Variants in CDH18 observed in about 807,000 individuals in gnomAD.
CDH18 encodes cadherin-18.
CDH18 carries 31 observed loss-of-function variants against 67.9 expected under a neutral mutation model. The observed-to-expected ratio is 0.46, with a 90% CI of 0.34 to 0.62. The LOEUF (loss-of-function observed/expected upper bound fraction) is 0.62. Ranked by LOEUF, CDH18 falls within the 20% of genes least tolerant of loss-of-function variation. CDH18 has a pLI of 0.01. For synonymous variants in CDH18, 362 were observed against 347.2 expected (o/e 1.04, Z -0.48); for missense variants, 890 against 975.5 (o/e 0.91, Z 1.17).
At chr5:20,175,288 A>T (rs1425228535) in intron 2 of CDH18, among the ~76,000 whole-genome samples, 1 of 152,114 alleles carries the variant, frequency 6.6e-6, no homozygotes, top group Non-Finnish European at 1.5e-5. Context: ...TAAAAACCCC[A>T]TACTCACCAG....
At chr5:20,078,412 G>A (rs1185647996) in intron 2 of CDH18, among the ~76,000 whole-genome samples, 7 of 151,920 alleles carry the variant, frequency 4.6e-5, no homozygotes, top group Non-Finnish European at 7.4e-5. Context: ...GCAGTAAGCC[G>A]AGATCACGCC....
intron 1 of CDH18, among the ~76,000 whole-genome samples, chr5:20,523,330 A>G (rs1454787701): frequency 5.3e-5 from 8 of 152,200 alleles, no homozygotes; most frequent in Admixed American, 5.2e-4. Context: ...CTGAGAAACA[A>G]GCATGCTTTC....
intron 11 of CDH18, among the ~76,000 whole-genome samples, chr5:19,501,374 G>A (rs1274422706): frequency 6.7e-6 from 1 of 148,710 alleles, no homozygotes; most frequent in African/African-American, 2.5e-5. Context: ...AGGCCGAGGC[G>A]GGTAGATCAC....
At chr5:19,606,119 A>G (rs1747995673) in intron 6 of CDH18, among the ~76,000 whole-genome samples, 1 of 151,466 alleles carries the variant, frequency 6.6e-6, no homozygotes, top group Admixed American at 6.6e-5. Flanking sequence ...CAGGAATAAG[A>G]GCTACTTCCC....
chr5:20,519,644 G>A (rs931037410), intron 1 of CDH18, among the ~76,000 whole-genome samples: 5 of 151,716 alleles, frequency 3.3e-5, no homozygotes, highest in African/African-American at 1.2e-4. Flanking sequence ...AATAGAAAAA[G>A]GAGTCAAGAA....
At chr5:19,694,482 A>G (rs1762290404) in intron 5 of CDH18, among the ~76,000 whole-genome samples, 1 of 152,188 alleles carries the variant, frequency 6.6e-6, no homozygotes, top group Non-Finnish European at 1.5e-5. Flanking sequence ...CAATTTGGAC[A>G]TGTCTTAAAT....
chr5:20,520,638 A>C (rs75575576), intron 1 of CDH18, among the ~76,000 whole-genome samples: 7,131 of 152,234 alleles, frequency 0.047, 511 homozygotes, highest in African/African-American at 0.16. Context: ...GTTAAGAATT[A>C]TTCCCAGATT....
intron 2 of CDH18, among the ~76,000 whole-genome samples, chr5:20,077,601 T>A (rs1324828845): frequency 6.6e-6 from 1 of 152,218 alleles, no homozygotes; most frequent in Non-Finnish European, 1.5e-5. Context: ...AAATAGGAGA[T>A]GTGGCTATTT....
intron 5 of CDH18, among the ~76,000 whole-genome samples, chr5:19,635,316 A>G (rs147070079): frequency 9.4e-4 from 143 of 152,324 alleles, no homozygotes; most frequent in East Asian, 2.5e-3. Flanking sequence ...ACATAGATAC[A>G]TCAGATATGC....
At chr5:19,979,589 T>A (rs181564827) in intron 2 of CDH18, among the ~76,000 whole-genome samples, 5 of 152,230 alleles carry the variant, frequency 3.3e-5, no homozygotes. Flanking sequence ...AAACAACATT[T>A]TAAAAGAATT....
chr5:19,504,036 C>T (rs1427198346), intron 10 of CDH18, among the ~76,000 whole-genome samples: 2 of 152,012 alleles, frequency 1.3e-5, no homozygotes, highest in Non-Finnish European at 2.9e-5. Flanking sequence ...CTAATTTCAA[C>T]CAGTTCAATA....
At chr5:20,384,209 C>A (rs1744129768) in intron 1 of CDH18, among the ~76,000 whole-genome samples, 1 of 152,112 alleles carries the variant, frequency 6.6e-6, no homozygotes, top group Admixed American at 6.5e-5. Context: ...ACTTATTCAG[C>A]TTGTATAGCT....
intron 6 of CDH18, among the ~76,000 whole-genome samples, chr5:19,607,041 A>G (rs2150087950): frequency 6.6e-6 from 1 of 151,848 alleles, no homozygotes; most frequent in Non-Finnish European, 1.5e-5. Context: ...AAATGGAGAA[A>G]ATCCTTCAAA....
chr5:19,790,492 A>C (rs926699904), intron 3 of CDH18, among the ~76,000 whole-genome samples: 1 of 152,302 alleles, frequency 6.6e-6, no homozygotes, highest in East Asian at 1.9e-4. Flanking sequence ...CCAGCTGCTG[A>C]CACATAGATA....
Position 19,549,769 on chromosome 5 carries a change from AAAGAAAGAAAGG to A in CDH18, c.1254-5776_1254-5765del, listed in dbSNP as rs775675129. Among the ~76,000 whole-genome samples, 342 of 129,392 alleles carry A rather than the reference AAAGAAAGAAAGG, an allele frequency of 2.6e-3. 5 individuals carry two copies. The East Asian group carries it at 0.044, about 16-fold the overall frequency. The allele number at this position is 129,392 out of a possible 152,430, so 84.9% of individuals were successfully genotyped here. A position where few individuals can be genotyped will look rare whatever the true frequency, so the allele number is the denominator to read the frequency against. On this transcript the variant is annotated intron_variant, in intron 8 of 12. Transcript: ENST00000382275. ...AAAAGAAAAAGAAAGAAAGAAAAAG[AAAGAAAGAAAGG>A]AAGAAAGAAAGGAAGAAAGAAAAAG...
chr5:19,992,171 C>A (rs945052495), upstream of CDH18, among the ~76,000 whole-genome samples: 1 of 151,996 alleles, frequency 6.6e-6, no homozygotes, highest in Admixed American at 6.6e-5. Context: ...TAATTAGATC[C>A]ATGTGTTCAC....
intron 5 of CDH18, among the ~76,000 whole-genome samples, chr5:19,636,210 CTTT>C (rs1415049814): frequency 1.3e-5 from 2 of 151,880 alleles, no homozygotes; most frequent in Non-Finnish European, 2.9e-5. Flanking sequence ...AATTACACTT[CTTT>C]TTATTATTTT....
chr5:20,477,073 T>G (rs1752491393), intron 1 of CDH18, among the ~76,000 whole-genome samples: 1 of 152,134 alleles, frequency 6.6e-6, no homozygotes. Context: ...GTGGATTGCT[T>G]TACAGAGGGA....
chr5:20,526,834 T>C (rs1430165430), intron 1 of CDH18, among the ~76,000 whole-genome samples: 1 of 151,808 alleles, frequency 6.6e-6, no homozygotes, highest in Non-Finnish European at 1.5e-5. Flanking sequence ...AACATAAAAA[T>C]GCTGAAAATT....
Sources: allele counts gnomAD v4.1 joint callset (sites outside exome capture counted in the v4.1 genomes callset), GRCh38; gene constraint gnomAD v4.1.1; transcripts MANE v1.5; gene names NCBI Gene and HGNC (gene_info 2026-07-23, HGNC 2026-07-21).